The following RBM33 variants were observed in gnomAD, a reference collection of about 807,000 sequenced individuals.
RBM33 encodes the protein RNA-binding protein 33.
RBM33 carries 28 observed loss-of-function variants against 132.6 expected under a neutral mutation model. That is an observed-to-expected ratio of 0.21 (90% CI 0.16 to 0.29). The LOEUF is 0.29. Ranked by LOEUF, RBM33 falls within the 10% of genes least tolerant of loss-of-function variation. RBM33 has a pLI of 1.00. For synonymous variants in RBM33, 634 were observed against 593.0 expected, an observed-to-expected ratio of 1.07 and a Z score of -1.01; for missense variants, 1,291 against 1,518.5, an observed-to-expected ratio of 0.85 and a Z score of 2.49.
chr7:155,705,923 A>G (rs2116967233), intron 6 of RBM33, among the ~76,000 whole-genome samples: 1 of 152,362 alleles, frequency 6.6e-6, no homozygotes, highest in South Asian at 2.1e-4. Flanking sequence ...GTCTGCATGC[A>G]TATGAGAAGG....
rs1267504628 is a variant in RBM33, at chr7:155,700,898, G to T, written c.693G>T (p.Arg231Ser). 1.9e-6 allele frequency: 3 copies of T among 1,613,010 alleles called. No individual in the cohort carries two copies. The highest frequency in any genetic ancestry group is 1.7e-5 in the Admixed American group (1 of 59,942). The change falls in exon 6 of 18, where the codon AGG (arginine) becomes AGT (serine). Residue 231 changes from arginine (R) to serine (S), a missense_variant. This residue lies in a region of RBM33 where 11 missense variants were observed against 39.4 expected (regional missense o/e 0.28). Transcript: ENST00000401878. ...KTERKEGTII[R>S]LSDVTRERRN... ...AAAGGAAAGAAGGAACAATTATTAG[G>T]CTCTCAGATGTAACTAGAGAGAGAA...
At chr7:155,750,827 AT>A (rs1801666467) in intron 14 of RBM33, among the ~76,000 whole-genome samples, 1 of 152,140 alleles carries the variant, frequency 6.6e-6, no homozygotes, top group South Asian at 2.1e-4. Context: ...GTTAATGAAA[AT>A]TTTAAGAATT....
chr7:155,741,791 A>G (rs745388850), intron 12 of RBM33, 28 bp from the exon 13 acceptor site: 6 of 1,587,720 alleles, frequency 3.8e-6, no homozygotes, highest in South Asian at 1.1e-5. Flanking sequence ...TCCACTTACA[A>G]TTAGAATCTC....
intron 9 of RBM33, among the ~76,000 whole-genome samples, chr7:155,726,253 G>C (rs1800792006): frequency 6.6e-6 from 1 of 152,134 alleles, no homozygotes; most frequent in Non-Finnish European, 1.5e-5. Flanking sequence ...TATACGGACT[G>C]ACCCTTTTAG....
chr7:155,673,794 A>ACACACACACC (rs1554469974), intron 3 of RBM33, among the ~76,000 whole-genome samples: 2 of 143,170 alleles, frequency 1.4e-5, no homozygotes, highest in Non-Finnish European at 3.0e-5. Context: ...ACACACACAC[A>ACACACACACC]CACACACCCC....
chr7:155,663,987 A>G (rs938487053), intron 1 of RBM33, among the ~76,000 whole-genome samples: 6 of 152,242 alleles, frequency 3.9e-5, no homozygotes, highest in African/African-American at 1.2e-4. Flanking sequence ...CAGCAAATTT[A>G]TGAAGTAGAT....
chr7:155,764,919 A>G (rs987736936), intron 15 of RBM33, among the ~76,000 whole-genome samples: 1 of 152,234 alleles, frequency 6.6e-6, no homozygotes, highest in Non-Finnish European at 1.5e-5. Flanking sequence ...TATGAGAGCA[A>G]ACAAAATTCC....
In RBM33 at chr7:155,738,329, A is replaced by C. The variant is rs1801198672; in HGVS notation, c.1663A>C (p.Ile555Leu). ...TGGGTCGGCAACCACACGGCCCTTC[A>C]TTCCTCCTAGACAGCCGTTCCTGCC... is the stretch of plus-strand genomic sequence containing the variant. ...QPGSATTRPF[I>L]PPRQPFLPGP... The change falls in exon 11 of 18, where the codon ATT (isoleucine) becomes CTT (leucine). Residue 555 changes from isoleucine (I) to leucine (L), a missense_variant. Coordinates refer to ENST00000401878, the MANE Select transcript of RBM33 (RefSeq NM_053043.3). 1 of 1,613,764 alleles carries C rather than the reference A, an allele frequency of 6.2e-7. No homozygotes were observed. Among genetic ancestry groups the C allele is most frequent in the Non-Finnish European group, 8.5e-7 (1 of 1,179,886 alleles).
chr7:155,699,829 G>A (rs1799907740), intron 5 of RBM33, among the ~76,000 whole-genome samples: 3 of 152,128 alleles, frequency 2.0e-5, no homozygotes, highest in Admixed American at 2.0e-4. Context: ...TTCTAATAAA[G>A]TTCACTGTTA....
At chr7:155,647,153 G>C (rs146970609) in intron 1 of RBM33, among the ~76,000 whole-genome samples, 94 of 152,254 alleles carry the variant, frequency 6.2e-4, no homozygotes, top group African/African-American at 2.1e-3. Flanking sequence ...TTGACATTGT[G>C]ATTTAGTACA....
At chr7:155,684,941 A>T (rs1183918642) in intron 5 of RBM33, 1 of 1,550,292 alleles carries the variant, frequency 6.5e-7, no homozygotes, top group East Asian at 2.4e-5. Context: ...AGGATGAAGA[A>T]TACTTGCAGG....
intron 5 of RBM33, chr7:155,684,930 T>C (rs1287554354): frequency 1.3e-6 from 2 of 1,549,722 alleles, no homozygotes; most frequent in East Asian, 2.4e-5. Flanking sequence ...TAATGGCTGT[T>C]AGGATGAAGA....
intron 9 of RBM33, among the ~76,000 whole-genome samples, chr7:155,735,032 G>A (rs1801069568): frequency 6.6e-6 from 1 of 152,206 alleles, no homozygotes; most frequent in Non-Finnish European, 1.5e-5. Flanking sequence ...ATTAGGATGA[G>A]GCCGCTGTAA....
At chr7:155,746,615 A>C (rs1801524843) in intron 14 of RBM33, 1 of 152,234 alleles carries the variant, frequency 6.6e-6, no homozygotes, top group Non-Finnish European at 1.5e-5. Context: ...TAAAGAAGTG[A>C]TCTGTAGAAC....
intron 11 of RBM33, chr7:155,739,091 G>T (rs1341711836): frequency 6.6e-6 from 1 of 152,044 alleles, no homozygotes. Flanking sequence ...ATTATCTAGG[G>T]TGTTAAAGGA....
intron 15 of RBM33, among the ~76,000 whole-genome samples, chr7:155,766,051 T>C (rs912587728): frequency 1.3e-5 from 2 of 152,174 alleles, no homozygotes; most frequent in Admixed American, 6.5e-5. Flanking sequence ...GCACAGCAGG[T>C]CCTGCTTAAA....
Position 155,739,898 on chromosome 7 carries a change from C to T in RBM33, c.1921C>T (p.His641Tyr). The T allele has an allele frequency of 1.9e-6, 3 of 1,549,936 alleles. No homozygotes were observed. Among genetic ancestry groups the T allele is most frequent in the Non-Finnish European group, 2.6e-6 (3 of 1,146,638 alleles). Residue 641 changes from histidine (H) to tyrosine (Y), a missense_variant, in exon 12 of 18, where the codon CAC (histidine) becomes TAC (tyrosine). Coordinates refer to ENST00000401878, the MANE Select transcript of RBM33 (RefSeq NM_053043.3). ...PQHQHHHHHH[H>Y]LSVPPPPLMP... is the part of the protein sequence containing the mutation. The stretch of plus-strand genomic sequence containing the variant: ...GCACCAGCACCACCACCACCACCAC[C>T]ACCTGTCCGTCCCGCCCCCTCCTTT...
rs565725207 is a variant in RBM33, at chr7:155,772,370, A to G, written c.3376-2189A>G. The stretch of plus-strand genomic sequence containing the variant: ...CCCCTTACCTGGGAACAGAACAGAT[A>G]GGATTTTCTCTTTGGAAGTTGCTCT... On this transcript the variant is annotated intron_variant, in intron 16 of 17. Transcript: ENST00000401878. Among the ~76,000 whole-genome samples, 16 of 152,378 alleles carry G rather than the reference A, an allele frequency of 1.1e-4. No homozygotes were observed. The South Asian group carries it at 3.3e-3, about 32-fold the overall frequency.
intron 5 of RBM33, 106 bp downstream of exon 5, chr7:155,681,014 T>G: frequency 1.2e-6 from 1 of 845,872 alleles, no homozygotes. Flanking sequence ...GAGGGGAAAT[T>G]AGACCTTATT....
Sources: allele counts gnomAD v4.1 joint callset (sites outside exome capture counted in the v4.1 genomes callset), GRCh38; gene constraint gnomAD v4.1.1; regional missense constraint gnomAD v4.1.1; transcripts MANE v1.5; gene names NCBI Gene and HGNC (gene_info 2026-07-23, HGNC 2026-07-21).